The following GRM7 variants were observed in gnomAD, a reference collection of about 807,000 sequenced individuals.
GRM7 encodes glutamate metabotropic receptor 7.
In GRM7, 35 loss-of-function variants were observed where a neutral mutation model predicts 84.5. That is an observed-to-expected ratio of 0.41 (90% CI 0.32 to 0.55). The LOEUF is 0.55. Ranked by LOEUF, GRM7 falls within the 20% of genes least tolerant of loss-of-function variation. GRM7 has a pLI of 0.19. For missense variants in GRM7, 1,003 were observed against 1,194.6 expected, an observed-to-expected ratio of 0.84 and a Z score of 2.36; for synonymous variants, 487 against 455.1, an observed-to-expected ratio of 1.07 and a Z score of -0.89.
At chr3:7,284,423 A>G (rs1407356973) in intron 2 of GRM7, among the ~76,000 whole-genome samples, 2 of 152,142 alleles carry the variant, frequency 1.3e-5, no homozygotes, top group Non-Finnish European at 2.9e-5. Context: ...AATGAATAGG[A>G]TGAAATATGT....
At chr3:7,653,627 G>A (rs1372346937) in intron 8 of GRM7, among the ~76,000 whole-genome samples, 1 of 152,168 alleles carries the variant, frequency 6.6e-6, no homozygotes, top group East Asian at 1.9e-4. Flanking sequence ...ATTAAACCAA[G>A]GGTTTTGAGT....
intron 1 of GRM7, among the ~76,000 whole-genome samples, chr3:6,944,628 A>T (rs924599372): frequency 6.6e-6 from 1 of 152,014 alleles, no homozygotes; most frequent in African/African-American, 2.4e-5. Flanking sequence ...ATTGTTCTGT[A>T]GTTTTCTTTT....
intron 2 of GRM7, among the ~76,000 whole-genome samples, chr3:7,230,810 C>T (rs1337943118): frequency 3.9e-5 from 6 of 152,094 alleles, no homozygotes; most frequent in Non-Finnish European, 8.8e-5. Flanking sequence ...AATAATGGAG[C>T]GAACCAGGGT....
chr3:7,431,227 T>C (rs1696817313), intron 5 of GRM7, among the ~76,000 whole-genome samples: 2 of 152,240 alleles, frequency 1.3e-5, no homozygotes, highest in South Asian at 4.1e-4. Context: ...ATATCTATCA[T>C]TTAAAAAAAG....
intron 1 of GRM7, among the ~76,000 whole-genome samples, chr3:6,990,913 G>A (rs1694610797): frequency 6.6e-6 from 1 of 152,106 alleles, no homozygotes; most frequent in Non-Finnish European, 1.5e-5. Flanking sequence ...CTGCTTAAAG[G>A]TCACAAGAGG....
At chr3:7,606,088 G>C (rs1192331466) in intron 8 of GRM7, among the ~76,000 whole-genome samples, 1 of 152,176 alleles carries the variant, frequency 6.6e-6, no homozygotes, top group Admixed American at 6.5e-5. Context: ...GACAGTGACA[G>C]ATCTCTTGGA....
intron 8 of GRM7, chr3:7,607,901 A>T (rs1383874452): frequency 6.0e-6 from 1 of 166,308 alleles, no homozygotes; most frequent in Non-Finnish European, 1.4e-5. Flanking sequence ...TCCCCCAAGT[A>T]GGCCCCAGTG....
intron 1 of GRM7, among the ~76,000 whole-genome samples, chr3:6,987,500 G>A (rs975701725): frequency 6.6e-6 from 1 of 152,104 alleles, no homozygotes; most frequent in Admixed American, 6.5e-5. Flanking sequence ...TTGTGACTTC[G>A]GTAATGAGAG....
chr3:7,541,051 C>A lies in GRM7; in HGVS notation c.1516-37371C>A, dbSNP rs1692857084. Among the ~76,000 whole-genome samples, 2 of 151,970 alleles carry A rather than the reference C, an allele frequency of 1.3e-5. 1 individual carries two copies. Among genetic ancestry groups the A allele is most frequent in the South Asian group, 4.1e-4 (2 of 4,824 alleles). ...AAAAGTATGTATATTTAAAATAAAA[C>A]CAAGGGTTGGTGATTACAGTGATAT... On this transcript the variant is annotated intron_variant, in intron 7 of 9. Coordinates refer to ENST00000357716, the MANE Select transcript of GRM7 (RefSeq NM_000844.4).
chr3:7,572,576 T>C (rs1694723548), intron 7 of GRM7, among the ~76,000 whole-genome samples: 1 of 151,564 alleles, frequency 6.6e-6, no homozygotes. Context: ...TCCCAGCGCT[T>C]TGGGAGGCTG....
chr3:7,448,136 A>T (rs1217256483), intron 5 of GRM7, among the ~76,000 whole-genome samples: 1 of 151,338 alleles, frequency 6.6e-6, no homozygotes, highest in African/African-American at 2.4e-5. Context: ...CATTTTCTTA[A>T]TCCGGTCTAT....
chr3:7,482,830 T>G (rs989123194), intron 7 of GRM7, among the ~76,000 whole-genome samples: 1 of 152,228 alleles, frequency 6.6e-6, no homozygotes, highest in African/African-American at 2.4e-5. Context: ...AAGGATGTGC[T>G]TCTTCTGATT....
intron 2 of GRM7, among the ~76,000 whole-genome samples, chr3:7,262,984 A>C (rs1487570556): frequency 6.6e-6 from 1 of 152,250 alleles, no homozygotes; most frequent in East Asian, 1.9e-4. Flanking sequence ...GGCGTGAGCC[A>C]CTGCACCTGG....
At chr3:7,052,986 G>C (rs1238800699) in intron 1 of GRM7, among the ~76,000 whole-genome samples, 1 of 150,568 alleles carries the variant, frequency 6.6e-6, no homozygotes, top group Non-Finnish European at 1.5e-5. Flanking sequence ...TTCCAAAGTG[G>C]CTATATTATT....
intron 1 of GRM7, among the ~76,000 whole-genome samples, chr3:7,138,891 CT>C (rs1693853675): frequency 6.6e-6 from 1 of 151,138 alleles, no homozygotes; most frequent in African/African-American, 2.4e-5. Context: ...TTAGACTTAG[CT>C]GCTCATTAAG....
At chr3:7,087,983 C>A (rs1698522090) in intron 1 of GRM7, among the ~76,000 whole-genome samples, 1 of 152,168 alleles carries the variant, frequency 6.6e-6, no homozygotes, top group South Asian at 2.1e-4. Flanking sequence ...CCTGGGTTTT[C>A]TACTGCTTAT....
At chr3:7,034,733 G>T (rs996022126) in intron 1 of GRM7, among the ~76,000 whole-genome samples, 3 of 152,192 alleles carry the variant, frequency 2.0e-5, no homozygotes, top group African/African-American at 7.2e-5. Context: ...GTGTATAGTT[G>T]CCAGAACCCA....
chr3:7,140,683 T>C (rs1559466030), intron 1 of GRM7, among the ~76,000 whole-genome samples: 2 of 152,066 alleles, frequency 1.3e-5, no homozygotes. Context: ...ATTATTTTGT[T>C]ATTGTTCATA....
At chr3:7,248,367 G>A (rs1697852700) in intron 2 of GRM7, among the ~76,000 whole-genome samples, 1 of 152,094 alleles carries the variant, frequency 6.6e-6, no homozygotes, top group Non-Finnish European at 1.5e-5. Context: ...GAATGCAAAA[G>A]AGAACATAGT....
Sources: gnomAD v4.1 joint callset for allele counts (sites outside exome capture counted in the v4.1 genomes callset) on GRCh38, gnomAD v4.1.1 for gene constraint, MANE v1.5 for transcripts, NCBI Gene and HGNC (gene_info 2026-07-23, HGNC 2026-07-21) for gene names.